Variants in NIT1 observed in about 807,000 individuals in gnomAD.
NIT1 encodes deaminated glutathione amidase.
Under a neutral mutation model 36.8 loss-of-function variants are expected in NIT1, and 30 were observed. That is an observed-to-expected ratio of 0.82 (90% CI 0.61 to 1.11). NIT1 has a LOEUF of 1.11. NIT1 is among the 50% of genes least tolerant of loss of function. The pLI is 0.00. For missense variants in NIT1, 438 were observed against 410.6 expected, an observed-to-expected ratio of 1.07 and a Z score of -0.58; for synonymous variants, 151 against 155.6, an observed-to-expected ratio of 0.97 and a Z score of 0.22.
At position 161,120,888 on chromosome 1, in the gene NIT1, C is replaced by G; in HGVS notation, c.*123C>G. 6.9e-7 allele frequency: 1 copy of G among 1,458,518 alleles called. No homozygotes were observed. Among genetic ancestry groups the G allele is most frequent in the South Asian group, 1.4e-5 (1 of 69,902 alleles). 90.3% of individuals were successfully genotyped at this position (1,458,518 alleles called of 1,614,324 possible). On this transcript the variant is annotated 3_prime_UTR_variant, in exon 7 of 7. Coordinates refer to ENST00000368009, the MANE Select transcript of NIT1 (RefSeq NM_005600.3). ...TCCCCTCACTTGGAGAACCTTGACT[C>G]TCTTGATGGAACACAGATGGGCTGC...
downstream of NIT1, chr1:161,123,134 C>G: frequency 6.2e-7 from 1 of 1,614,190 alleles, no homozygotes; most frequent in Non-Finnish European, 8.5e-7. Flanking sequence ...TCGCTGGCTC[C>G]CAAGTGTGGC....
intron 6 of NIT1, 102 bp downstream of exon 6, chr1:161,120,334 A>C (rs1655317299): frequency 1.3e-6 from 2 of 1,489,852 alleles, no homozygotes; most frequent in African/African-American, 1.4e-5. Context: ...CTAATGGGAA[A>C]ACTCATTCCC....
intron 1 of NIT1, 113 bp downstream of exon 1, chr1:161,118,291 G>T: frequency 6.3e-7 from 1 of 1,585,844 alleles, no homozygotes; most frequent in Non-Finnish European, 8.6e-7. Flanking sequence ...GCCAACTGGA[G>T]CGGGCGGCGG....
rs564939993 is a variant in NIT1 at position 161,119,467 on chromosome 1, T to G, written c.354-42T>G. The G allele has an allele frequency of 4.3e-6, 7 of 1,613,440 alleles. No homozygotes were observed. The East Asian group carries it at 8.9e-5, about 21-fold the overall frequency. ...GGTTGCCAGATATGAGGGTAGAGCC[T>G]TGAGAAGTCAGTGAAGAGTTGTCAG... On this transcript the variant is annotated intron_variant, in intron 3 of 6. Transcript: ENST00000368009.
chr1:161,121,918 GAC>G (rs936739000), downstream of NIT1: 1 of 539,822 alleles, frequency 1.9e-6, no homozygotes, highest in Non-Finnish European at 3.3e-6. Context: ...TAGCTGTAGA[GAC>G]ACATTACGGG....
intron 1 of NIT1, 92 bp downstream of exon 1, chr1:161,118,270 G>T: frequency 1.2e-6 from 2 of 1,607,820 alleles, no homozygotes; most frequent in Admixed American, 1.7e-5. Flanking sequence ...GGGAGAGGCG[G>T]GGAGGGACGG....
At position 161,120,891 on chromosome 1, in the gene NIT1, T is replaced by C; in HGVS notation, c.*126T>C. ...CCTCACTTGGAGAACCTTGACTCTC[T>C]TGATGGAACACAGATGGGCTGCTTG... On this transcript the variant is annotated 3_prime_UTR_variant, in exon 7 of 7. Transcript: ENST00000368009. 1 of 1,455,658 alleles carries C rather than the reference T, an allele frequency of 6.9e-7. No individual in the cohort carries two copies. The highest frequency in any genetic ancestry group is 9.0e-7 in the Non-Finnish European group (1 of 1,109,468). 90.2% of individuals were successfully genotyped at this position (1,455,658 alleles called of 1,614,324 possible).
At chr1:161,118,296 C>CGGCGGGAGGGTGGAG (rs1316466784) in intron 1 of NIT1, 118 bp downstream of exon 1, 4 of 1,309,242 alleles carry the variant, frequency 3.1e-6, no homozygotes, top group South Asian at 2.4e-5. Context: ...CTGGAGCGGG[C>CGGCGGGAGGGTGGAG]GGCGGGAGGG....
At chr1:161,121,668 A>G (rs1269150739), downstream of NIT1, 3 of 155,100 alleles carry the variant, frequency 1.9e-5, no homozygotes, top group African/African-American at 7.2e-5. Context: ...AAATTCTATA[A>G]TTTGGAAGAG....
rs1655322230 is a variant in NIT1, at chr1:161,120,375, G to A, written c.718-124G>A. On this transcript the variant is annotated intron_variant, in intron 6 of 6. Coordinates refer to ENST00000368009, the MANE Select transcript of NIT1 (RefSeq NM_005600.3). ...ATTTCTCTCATGAATAGTTAAAATA[G>A]TAAATCATTCCTAGGCAATTACCAA... 26 of 1,455,684 alleles carry A rather than the reference G, an allele frequency of 1.8e-5. No homozygotes were observed. In the South Asian group the frequency reaches 3.3e-4, roughly 19 times the overall value. The allele number at this position is 1,455,684 out of a possible 1,614,324, so 90.2% of individuals were successfully genotyped here.
chr1:161,124,695 C>T, downstream of NIT1: 1 of 867,422 alleles, frequency 1.2e-6, no homozygotes, highest in South Asian at 2.7e-5. Flanking sequence ...GGCACAGGGG[C>T]TCACACCTGT....
downstream of NIT1, chr1:161,122,547 G>A (rs200942158): frequency 2.7e-5 from 44 of 1,603,568 alleles, no homozygotes; most frequent in Non-Finnish European, 3.3e-5. This position sits in a 1 kb window ranked among gnomAD's most constrained non-coding sequence, Gnocchi z 4.2. Flanking sequence ...AAGATACAGA[G>A]CAGAAGAGGT....
rs556879604 is a variant in NIT1 at position 161,121,107 on chromosome 1, G to C, written c.*342G>C. The C allele has an allele frequency of 8.8e-7, 1 of 1,142,334 alleles. No individual in the cohort carries two copies. The highest frequency in any genetic ancestry group is 1.1e-6 in the Non-Finnish European group (1 of 922,314). 70.8% of individuals were successfully genotyped at this position (1,142,334 alleles called of 1,614,324 possible). The stretch of plus-strand genomic sequence containing the variant: ...GCCTTTGGGAACTAGAAGGGGAGTT[G>C]GTATTGTACCAGCTGGACTAAGCTC... On this transcript the variant is annotated 3_prime_UTR_variant, in exon 7 of 7. Transcript: ENST00000368009.
At position 161,120,981 on chromosome 1, in the gene NIT1, A is replaced by G; in HGVS notation, c.*216A>G. ...TGCAGTTTCAGAAAGGTGGAATTTTATATAGTCATTGTTTATTTCATGGAA... is the reference window on the plus strand; with the variant it reads ...TGCAGTTTCAGAAAGGTGGAATTTTGTATAGTCATTGTTTATTTCATGGAA... On this transcript the variant is annotated 3_prime_UTR_variant, in exon 7 of 7. Coordinates refer to ENST00000368009, the MANE Select transcript of NIT1 (RefSeq NM_005600.3). 2 of 1,413,764 alleles carry G rather than the reference A, an allele frequency of 1.4e-6. No homozygotes were observed. The highest frequency in any genetic ancestry group is 1.8e-6 in the Non-Finnish European group (2 of 1,087,516). 87.6% of individuals were successfully genotyped at this position (1,413,764 alleles called of 1,614,324 possible). A position where few individuals can be genotyped will look rare whatever the true frequency, so the allele number is the denominator to read the frequency against.
downstream of NIT1, chr1:161,123,828 T>C (rs1571222481): frequency 6.2e-7 from 1 of 1,606,646 alleles, no homozygotes; most frequent in Non-Finnish European, 8.5e-7. Flanking sequence ...GGGGAGTTAA[T>C]GTCTTCTCAC....
At chr1:161,123,896 CAT>C, downstream of NIT1, 1 of 1,614,044 alleles carries the variant, frequency 6.2e-7, no homozygotes, top group Non-Finnish European at 8.5e-7. Context: ...CTGGGGGTCA[CAT>C]AGCGAATTGA....
At chr1:161,119,703 C>G in intron 4 of NIT1, 91 bp downstream of exon 4, 1 of 1,587,580 alleles carries the variant, frequency 6.3e-7, no homozygotes, top group South Asian at 1.1e-5. Context: ...TTCCTTGACC[C>G]AAGGATTTAG....
Position 161,118,183 on chromosome 1 carries a change from G to C in NIT1, c.2+5G>C. 1 of 1,614,078 alleles carries C rather than the reference G, an allele frequency of 6.2e-7. No homozygotes were observed. Among genetic ancestry groups the C allele is most frequent in the Admixed American group, 1.7e-5 (1 of 60,028 alleles). On this transcript the variant is annotated splice_donor_5th_base_variant and intron_variant, in intron 1 of 6. Transcript: ENST00000368009. ...TGGTTTTGGCTATATCTTCATGTAGGACCTACTCCCTATCCCGTCGGCCGC... is the reference window on the plus strand; with the variant it reads ...TGGTTTTGGCTATATCTTCATGTAGCACCTACTCCCTATCCCGTCGGCCGC...
At position 161,118,192 on chromosome 1, in the gene NIT1, C is replaced by T. The variant is rs2101713186; in HGVS notation, c.2+14C>T. 1.2e-6 allele frequency: 2 copies of T among 1,614,062 alleles called. No homozygotes were observed. Among genetic ancestry groups the T allele is most frequent in the South Asian group, 1.1e-5 (1 of 91,090 alleles). ...CTATATCTTCATGTAGGACCTACTC[C>T]CTATCCCGTCGGCCGCGGTGAATCC... On this transcript the variant is annotated intron_variant, in intron 1 of 6. Coordinates refer to ENST00000368009, the MANE Select transcript of NIT1 (RefSeq NM_005600.3).
Sources: gnomAD v4.1 joint callset for allele counts on GRCh38, gnomAD v4.1.1 for gene constraint, Gnocchi (gnomAD v3.1) non-coding constraint, MANE v1.5 for transcripts, NCBI Gene and HGNC (gene_info 2026-07-23, HGNC 2026-07-21) for gene names.